Variants in CD47 observed in about 807,000 individuals in gnomAD.
The protein encoded by CD47 is leukocyte surface antigen CD47.
Under a neutral mutation model 44.6 loss-of-function variants are expected in CD47, and 11 were observed. That is an observed-to-expected ratio of 0.25 (90% CI 0.16 to 0.41). The LOEUF is 0.41. Among genes scored for constraint, CD47 ranks in the 10% least tolerant of loss-of-function variants. The pLI, the probability that CD47 is intolerant of heterozygous loss-of-function variation, is 1.00. For synonymous variants in CD47, 140 were observed against 136.3 expected (o/e 1.03, Z -0.19); for missense variants, 306 against 386.7 (o/e 0.79, Z 1.75).
At chr3:108,076,492 A>G (rs912261939) in intron 2 of CD47, among the ~76,000 whole-genome samples, 6 of 152,234 alleles carry the variant, frequency 3.9e-5, no homozygotes, top group African/African-American at 1.2e-4. Context: ...CATGAACCAC[A>G]TATTACGGTG....
At chr3:108,075,615 AC>A (rs1215135015) in intron 2 of CD47, among the ~76,000 whole-genome samples, 1 of 152,050 alleles carries the variant, frequency 6.6e-6, no homozygotes, top group African/African-American at 2.4e-5. Context: ...TGGTCCCAAA[AC>A]CCCTGCCCTA....
chr3:108,066,270 T>C (rs1243071817), intron 3 of CD47, among the ~76,000 whole-genome samples: 2 of 152,022 alleles, frequency 1.3e-5, no homozygotes, highest in African/African-American at 4.8e-5. Flanking sequence ...AAATTAAAGA[T>C]GCCTAGAATA....
At chr3:108,049,517 G>C in intron 10 of CD47, 102 bp downstream of exon 10, 1 of 745,406 alleles carries the variant, frequency 1.3e-6, no homozygotes. Flanking sequence ...ATCTGACAGT[G>C]TCCCTTTTAC....
At chr3:108,057,434 C>G (rs2078929904) in intron 7 of CD47, 43 bp downstream of exon 7, 1 of 912,050 alleles carries the variant, frequency 1.1e-6, no homozygotes, top group Middle Eastern at 2.2e-4. Context: ...AGTGATATAT[C>G]TGAAATTATT....
In CD47 at chr3:108,080,115, T is replaced by G; in HGVS notation, c.276A>C (p.Leu92=). The change falls in exon 2 of 11, where the codon CTA becomes CTC. Residue 92 remains leucine, a synonymous_variant. Transcript: ENST00000361309. ...SSAKIEVSQL[L]KGDASLKMDK... ...CCATCTTCAAAGAGGCATCTCCTTT[T>G]AGTAATTGTGAGACTTCAATTTTTG... is the stretch of plus-strand genomic sequence containing the variant. 1 of 1,613,068 alleles carries G rather than the reference T, an allele frequency of 6.2e-7. No individual in the cohort carries two copies. The highest frequency in any genetic ancestry group is 8.5e-7 in the Non-Finnish European group (1 of 1,179,120).
chr3:108,084,090 TA>T (rs112133363), intron 1 of CD47, among the ~76,000 whole-genome samples: 1 of 151,740 alleles, frequency 6.6e-6, no homozygotes, highest in African/African-American at 2.4e-5. Flanking sequence ...TTTGCCAACT[TA>T]AAAAAAATCC....
intron 3 of CD47, among the ~76,000 whole-genome samples, chr3:108,062,817 T>A (rs2108239890): frequency 6.8e-6 from 1 of 146,890 alleles, no homozygotes; most frequent in Non-Finnish European, 1.5e-5. Flanking sequence ...AATTTTTGAA[T>A]TCTTTTTTTT....
At position 108,071,991 on chromosome 3, in the gene CD47, C is replaced by G. The variant is rs542954201; in HGVS notation, c.401-809G>C. Among the ~76,000 whole-genome samples, 5 of 152,252 alleles carry G rather than the reference C, an allele frequency of 3.3e-5. 1 individual carries two copies. In the East Asian group the frequency reaches 7.7e-4, roughly 23 times the overall value. Reference sequence around the variant, plus strand: ...TTAACGAAGCTGTTATTAAGTTGGTCACATGTTACTTTTATCATAAAAATA... The same window carrying G: ...TTAACGAAGCTGTTATTAAGTTGGTGACATGTTACTTTTATCATAAAAATA... On this transcript the variant is annotated intron_variant, in intron 2 of 10. Coordinates refer to ENST00000361309, the MANE Select transcript of CD47 (RefSeq NM_001777.4).
intron 7 of CD47, chr3:108,052,589 G>T (rs1437013415): frequency 6.6e-6 from 1 of 152,238 alleles, no homozygotes; most frequent in African/African-American, 2.4e-5. Context: ...TACAGTACAT[G>T]AGCAAAGTGA....
rs765496826 is a variant in CD47 at position 108,055,573 on chromosome 3, TC to T, written c.877+1903del. On this transcript the variant is annotated intron_variant, in intron 7 of 10. Transcript: ENST00000361309. ...GTAGGTGTCCCTCTGAACCCTGGCA[TC>T]AGACAAGTTGATTTAAAAAGTTAAT... 2.3e-6 allele frequency: 3 copies of T among 1,301,420 alleles called. No individual in the cohort carries two copies. The South Asian group carries it at 3.7e-5, about 16-fold the overall frequency. The allele number at this position is 1,301,420 out of a possible 1,614,324, so 80.6% of individuals were successfully genotyped here.
In CD47 at chr3:108,046,408, C is replaced by T. The variant is rs1342523436; in HGVS notation, c.*880G>A. On this transcript the variant is annotated 3_prime_UTR_variant, in exon 11 of 11. Coordinates refer to ENST00000361309, the MANE Select transcript of CD47 (RefSeq NM_001777.4). ...AGGAAGGGAATACATATGTTACAAC[C>T]ATAGCTATTTTTGCTGAAAAGTGTG... 2.0e-5 allele frequency: 3 copies of T among 152,574 alleles called. No individual in the cohort carries two copies. Among genetic ancestry groups the T allele is most frequent in the South Asian group, 2.1e-4 (1 of 4,822 alleles). 9.5% of individuals were successfully genotyped at this position (152,574 alleles called of 1,614,324 possible).
chr3:108,058,813 G>A (rs1021672376), intron 5 of CD47, among the ~76,000 whole-genome samples: 1 of 152,172 alleles, frequency 6.6e-6, no homozygotes, highest in African/African-American at 2.4e-5. Context: ...TAAACATCAT[G>A]CTCTCTATCT....
intron 2 of CD47, among the ~76,000 whole-genome samples, chr3:108,075,689 G>A (rs138940292): frequency 6.6e-6 from 1 of 152,112 alleles, no homozygotes; most frequent in South Asian, 2.1e-4. Flanking sequence ...GAATGTATTG[G>A]ATTTCATTTT....
rs55708779 is a variant in CD47 at position 108,049,094 on chromosome 3, A to ATCTC, written c.967+521_967+524dup. On this transcript the variant is annotated intron_variant, in intron 10 of 10. Coordinates refer to ENST00000361309, the MANE Select transcript of CD47 (RefSeq NM_001777.4). Reference sequence around the variant, plus strand: ...TGGAAGCAAAAGCTGAGGACGAAACATCTCTCTCTCTCTCTCTCTCTCTCT... The same window carrying ATCTC: ...TGGAAGCAAAAGCTGAGGACGAAACATCTCTCTCTCTCTCTCTCTCTCTCTCTCT... Among the ~76,000 whole-genome samples the ATCTC allele has an allele frequency of 1.3e-3, 171 of 129,354 alleles. 4 individuals are homozygous for ATCTC. Among genetic ancestry groups the ATCTC allele is most frequent in the African/African-American group, 3.0e-3 (104 of 34,458 alleles). The allele number at this position is 129,354 out of a possible 152,430, so 84.9% of individuals were successfully genotyped here. A position where few individuals can be genotyped will look rare whatever the true frequency, so the allele number is the denominator to read the frequency against.
At chr3:108,086,680 A>G (rs891185659) in intron 1 of CD47, among the ~76,000 whole-genome samples, 8 of 152,230 alleles carry the variant, frequency 5.3e-5, no homozygotes, top group African/African-American at 1.9e-4. Flanking sequence ...CAGAGAAGGC[A>G]ACAACTGACA....
intron 2 of CD47, among the ~76,000 whole-genome samples, chr3:108,077,909 T>C (rs2079339227): frequency 1.3e-5 from 2 of 151,836 alleles, no homozygotes; most frequent in African/African-American, 2.4e-5. Flanking sequence ...CAGTGGGAGG[T>C]GGCGGTATGA....
chr3:108,081,996 T>C (rs2079429729), intron 1 of CD47, among the ~76,000 whole-genome samples: 1 of 151,950 alleles, frequency 6.6e-6, no homozygotes, highest in Non-Finnish European at 1.5e-5. Context: ...TTCCGTTGCA[T>C]TCTTTAAAAC....
intron 1 of CD47, among the ~76,000 whole-genome samples, chr3:108,090,363 G>A (rs2079607139): frequency 6.6e-6 from 1 of 152,116 alleles, no homozygotes; most frequent in African/African-American, 2.4e-5. Context: ...GGAGGCAAAC[G>A]GCAGAAACCC....
At chr3:108,072,674 A>C (rs1306879890) in intron 2 of CD47, among the ~76,000 whole-genome samples, 2 of 152,230 alleles carry the variant, frequency 1.3e-5, no homozygotes, top group African/African-American at 2.4e-5. Context: ...TTCTTATGCC[A>C]AAGAAAAGTC....
Sources: allele counts gnomAD v4.1 joint callset (sites outside exome capture counted in the v4.1 genomes callset), GRCh38; gene constraint gnomAD v4.1.1; transcripts MANE v1.5; gene names NCBI Gene and HGNC (gene_info 2026-07-23, HGNC 2026-07-21).